UTP20: variants seen among roughly 807,000 people sequenced by gnomAD.
The protein encoded by UTP20 is UTP20 small subunit processome component, also known as small subunit processome component 20 homolog.
In UTP20, 164 loss-of-function variants were observed where a neutral mutation model predicts 329.5. That is an observed-to-expected ratio of 0.50 (90% CI 0.44 to 0.57). The LOEUF (loss-of-function observed/expected upper bound fraction) is 0.57, where lower values mean the gene tolerates loss of function less well. UTP20 is among the 20% of genes least tolerant of loss of function. The probability of loss-of-function intolerance (pLI) is 0.00; values close to 1 mark genes in which losing one functional copy is unlikely to be tolerated. For missense variants in UTP20, 3,055 were observed against 3,284.2 expected, an observed-to-expected ratio of 0.93 and a Z score of 1.71; for synonymous variants, 1,151 against 1,159.3, an observed-to-expected ratio of 0.99 and a Z score of 0.14.
At chr12:101,373,019 A>G (rs368986321) in intron 52 of UTP20, 56 bp downstream of exon 52, 43 of 1,435,316 alleles carry the variant, frequency 3.0e-5, no homozygotes, top group Middle Eastern at 1.7e-4. Flanking sequence ...CTTTCCCTTT[A>G]ACATGGCGGC....
chr12:101,325,614 TA>T (rs1475119120), intron 25 of UTP20, among the ~76,000 whole-genome samples: 1 of 152,226 alleles, frequency 6.6e-6, no homozygotes, highest in Non-Finnish European at 1.5e-5. Context: ...GAAGAATGCA[TA>T]AAATACTTTT....
chr12:101,343,224 A>C lies in UTP20; in HGVS notation c.4449+131A>C, dbSNP rs1187351316. Reference sequence around the variant, plus strand: ...AGGTTTTTAGGATTAAATTTCTTTTAGATGAAGAATCTTATGTCTGGCAAA... The same window carrying C: ...AGGTTTTTAGGATTAAATTTCTTTTCGATGAAGAATCTTATGTCTGGCAAA... On this transcript the variant is annotated intron_variant, in intron 35 of 61. Coordinates refer to ENST00000261637, the MANE Select transcript of UTP20 (RefSeq NM_014503.3). 5.2e-6 allele frequency: 3 copies of C among 578,828 alleles called. No homozygotes were observed. The East Asian group carries it at 9.3e-5, about 18-fold the overall frequency. The allele number at this position is 578,828 out of a possible 1,614,324, so 35.9% of individuals were successfully genotyped here.
chr12:101,358,751 C>T (rs1294788406), intron 43 of UTP20, among the ~76,000 whole-genome samples: 2 of 151,960 alleles, frequency 1.3e-5, no homozygotes, highest in Admixed American at 1.3e-4. Flanking sequence ...TTTCCCACAT[C>T]AGGCAGATAA....
At chr12:101,382,120 A>G (rs966117268) in intron 58 of UTP20, among the ~76,000 whole-genome samples, 1 of 152,000 alleles carries the variant, frequency 6.6e-6, no homozygotes, top group Non-Finnish European at 1.5e-5. Flanking sequence ...AAAATGTAAA[A>G]TGGGGCTGGT....
intron 48 of UTP20, among the ~76,000 whole-genome samples, chr12:101,368,592 C>G (rs546819096): frequency 6.6e-6 from 1 of 152,230 alleles, no homozygotes; most frequent in African/African-American, 2.4e-5. Flanking sequence ...ATCCTCACAA[C>G]TTCATGAGGG....
chr12:101,341,071 G>T (rs569192284), intron 32 of UTP20, among the ~76,000 whole-genome samples: 165 of 145,082 alleles, frequency 1.1e-3, no homozygotes, highest in African/African-American at 3.9e-3. Flanking sequence ...CACCTCCTGG[G>T]TTCAAGCAAT....
rs1417482180 is a variant in UTP20, at chr12:101,292,066, T to G, written c.1135T>G (p.Ser379Ala). 3 of 1,614,106 alleles carry G rather than the reference T, an allele frequency of 1.9e-6. No individual in the cohort carries two copies. The highest frequency in any genetic ancestry group is 1.7e-5 in the Admixed American group (1 of 60,004). Residue 379 changes from serine to alanine, a missense_variant, in exon 10 of 62, where the codon TCC becomes GCC. By Grantham distance (99) the Ser-to-Ala change is moderately conservative. Transcript: ENST00000261637. ...TGCTTTGATCCTGGGTGAAAATGTT[T>G]CCTTGCCGGAGACCCTCATCAAAGA... Reference protein sequence around the residue: ...ISALILGENVSLPETLIKETI... With the variant: ...ISALILGENVALPETLIKETI...
intron 21 of UTP20, among the ~76,000 whole-genome samples, chr12:101,315,805 C>T (rs1228794290): frequency 6.6e-6 from 1 of 152,168 alleles, no homozygotes; most frequent in Non-Finnish European, 1.5e-5. Flanking sequence ...ATATAAACTT[C>T]ATACCATGTT....
At chr12:101,357,563 TAACA>T (rs1869764031) in intron 43 of UTP20, among the ~76,000 whole-genome samples, 1 of 152,104 alleles carries the variant, frequency 6.6e-6, no homozygotes, top group Non-Finnish European at 1.5e-5. Context: ...CCAGCCTGGT[TAACA>T]TAGTGAGACC....
intron 19 of UTP20, among the ~76,000 whole-genome samples, chr12:101,310,203 T>C (rs559231361): frequency 2.2e-4 from 34 of 152,242 alleles, no homozygotes; most frequent in Non-Finnish European, 4.0e-4. Flanking sequence ...ACTTTAAAAA[T>C]AAAGACTTTT....
chr12:101,371,214 G>A lies in UTP20; in HGVS notation c.6798+46G>A, dbSNP rs367926514. The stretch of plus-strand genomic sequence containing the variant: ...CCCATAGCAAGGGCTGGGCCCTGCC[G>A]CATCTTTGTGGCAGAGGTGTCAACA... On this transcript the variant is annotated intron_variant, in intron 51 of 61. Transcript: ENST00000261637. 152 of 1,360,450 alleles carry A rather than the reference G, an allele frequency of 1.1e-4. 1 individual carries two copies. The highest frequency in any genetic ancestry group is 2.2e-4 in the Middle Eastern group (1 of 4,594). 84.3% of individuals were successfully genotyped at this position (1,360,450 alleles called of 1,614,324 possible). A position where few individuals can be genotyped will look rare whatever the true frequency, so the allele number is the denominator to read the frequency against.
chr12:101,310,864 C>CA (rs1179878717), intron 19 of UTP20, among the ~76,000 whole-genome samples: 1 of 152,156 alleles, frequency 6.6e-6, no homozygotes, highest in Non-Finnish European at 1.5e-5. Flanking sequence ...TACTACCTTT[C>CA]AAAGCCATCA....
chr12:101,291,149 C>T (rs1872133498), intron 8 of UTP20: 1 of 310,266 alleles, frequency 3.2e-6, no homozygotes, highest in Non-Finnish European at 5.8e-6. Context: ...CTAGTGTAAC[C>T]TGGGAAAATT....
Position 101,301,364 on chromosome 12 carries a change from G to T in UTP20, c.1676-1084G>T, listed in dbSNP as rs114260345. ...GTGAGAGCCCCCCCCGCCCAACTCT[G>T]ACTCTCTATTTAAAAAAATAAGGCT... On this transcript the variant is annotated intron_variant, in intron 14 of 61. Coordinates refer to ENST00000261637, the MANE Select transcript of UTP20 (RefSeq NM_014503.3). 8.7e-3 allele frequency among the ~76,000 whole-genome samples: 1,322 copies of T among 151,746 alleles called. 31 individuals carry two copies. Among genetic ancestry groups the T allele is most frequent in the African/African-American group, 0.031 (1,275 of 41,312 alleles).
chr12:101,290,538 A>G (rs1271854435), intron 7 of UTP20, among the ~76,000 whole-genome samples, 195 bp from the exon 8 acceptor site: 1 of 152,218 alleles, frequency 6.6e-6, no homozygotes, highest in Non-Finnish European at 1.5e-5. Context: ...GGGAGGGAAC[A>G]GTTGTAATGA....
At chr12:101,315,536 C>T (rs564046099) in intron 21 of UTP20, among the ~76,000 whole-genome samples, 1 of 151,296 alleles carries the variant, frequency 6.6e-6, no homozygotes, top group African/African-American at 2.4e-5. Context: ...GAGATGGATA[C>T]AGTACATAAA....
At chr12:101,307,220 T>TA (rs1270919606) in intron 17 of UTP20, among the ~76,000 whole-genome samples, 1 of 150,538 alleles carries the variant, frequency 6.6e-6, no homozygotes, top group Non-Finnish European at 1.5e-5. Context: ...TGGTAACTCT[T>TA]ACTCCTGTCT....
At chr12:101,339,796 C>T (rs1351270154) in intron 31 of UTP20, among the ~76,000 whole-genome samples, 1 of 152,116 alleles carries the variant, frequency 6.6e-6, no homozygotes, top group Non-Finnish European at 1.5e-5. Context: ...TTAAGTTGAC[C>T]ATTACAAGGC....
intron 41 of UTP20, 96 bp from the exon 42 acceptor site, chr12:101,356,455 CCTT>C (rs1869724094): frequency 9.1e-7 from 1 of 1,095,734 alleles, no homozygotes; most frequent in East Asian, 2.7e-5. Flanking sequence ...GATCATCCAT[CCTT>C]CTAGAAAAAC....
Sources: allele counts gnomAD v4.1 joint callset (sites outside exome capture counted in the v4.1 genomes callset), GRCh38; gene constraint gnomAD v4.1.1; transcripts MANE v1.5; gene names NCBI Gene and HGNC (gene_info 2026-07-23, HGNC 2026-07-21).